SEMA6A: variants seen among roughly 807,000 people sequenced by gnomAD.
The protein encoded by SEMA6A is semaphorin-6A.
SEMA6A carries 25 observed loss-of-function variants against 96.8 expected under a neutral mutation model. The observed-to-expected ratio is 0.26, with a 90% CI of 0.19 to 0.36. The LOEUF (loss-of-function observed/expected upper bound fraction) is 0.36, where lower values mean the gene tolerates loss of function less well. Among genes scored for constraint, SEMA6A ranks in the 10% least tolerant of loss-of-function variants. The pLI is 1.00. For synonymous variants in SEMA6A, 612 were observed against 518.0 expected (o/e 1.18, Z -2.46); for missense variants, 1,363 against 1,323.1 (o/e 1.03, Z -0.47).
At chr5:116,555,352 G>T (rs1009773706) in intron 1 of SEMA6A, among the ~76,000 whole-genome samples, 1 of 152,114 alleles carries the variant, frequency 6.6e-6, no homozygotes, top group Admixed American at 6.5e-5. Context: ...CAGAATAGGG[G>T]TTTACTTTCC....
chr5:116,526,064 C>T (rs1019158434), intron 1 of SEMA6A, among the ~76,000 whole-genome samples: 2 of 150,710 alleles, frequency 1.3e-5, no homozygotes, highest in Non-Finnish European at 3.0e-5. Context: ...TTTCACTCTT[C>T]GATTGACTTG....
chr5:116,498,409 A>G (rs1442684762), intron 3 of SEMA6A: 1 of 152,120 alleles, frequency 6.6e-6, no homozygotes, highest in Admixed American at 6.5e-5. Flanking sequence ...TCACATATAC[A>G]TATATATAAT....
At chr5:116,475,394 T>G in intron 16 of SEMA6A, 151 bp downstream of exon 16, 4 of 517,316 alleles carry the variant, frequency 7.7e-6, no homozygotes, top group Non-Finnish European at 1.4e-5. Flanking sequence ...ACGCACTGCT[T>G]TCTTTGTTTG....
Position 116,446,982 on chromosome 5 carries a change from G to A in SEMA6A, c.2724C>T (p.His908=). 6.2e-7 allele frequency: 1 copy of A among 1,613,958 alleles called. No homozygotes were observed. The highest frequency in any genetic ancestry group is 2.2e-5 in the East Asian group (1 of 44,840). Residue 908 remains histidine, a synonymous_variant, in exon 19 of 19, where the codon CAC becomes CAT. Coordinates refer to ENST00000343348, the MANE Select transcript of SEMA6A (RefSeq NM_020796.5). ...TGLSKRLEMH[H]SSSYGVDYKR... ...TATAGTCAACCCCGTAGGAAGAGGAGTGGTGCATTTCCAGCCGCTTGCTTA... is the reference window on the plus strand; with the variant it reads ...TATAGTCAACCCCGTAGGAAGAGGAATGGTGCATTTCCAGCCGCTTGCTTA...
chr5:116,499,987 T>G (rs976447317), intron 3 of SEMA6A, among the ~76,000 whole-genome samples: 1 of 152,198 alleles, frequency 6.6e-6, no homozygotes, highest in Non-Finnish European at 1.5e-5. Context: ...TCACAAGAGA[T>G]TCTTAAGTCA....
chr5:116,520,981 C>G (rs772378281), intron 1 of SEMA6A, among the ~76,000 whole-genome samples: 2 of 152,146 alleles, frequency 1.3e-5, no homozygotes, highest in Non-Finnish European at 2.9e-5. Flanking sequence ...TCCCTGGAAT[C>G]AAAAGACCAA....
chr5:116,515,445 CT>C (rs1758625115), intron 1 of SEMA6A, among the ~76,000 whole-genome samples: 1 of 152,106 alleles, frequency 6.6e-6, no homozygotes, highest in South Asian at 2.1e-4. Context: ...CTCTCCCTAA[CT>C]TTTTCTTTGT....
At chr5:116,529,760 T>C (rs766976849) in intron 1 of SEMA6A, among the ~76,000 whole-genome samples, 2 of 152,164 alleles carry the variant, frequency 1.3e-5, no homozygotes, top group East Asian at 3.8e-4. Context: ...AAATACTGCA[T>C]GTTCTCACTT....
intron 16 of SEMA6A, among the ~76,000 whole-genome samples, chr5:116,474,760 G>C (rs568389715): frequency 6.6e-6 from 1 of 152,278 alleles, no homozygotes; most frequent in East Asian, 1.9e-4. Flanking sequence ...GTGCCATTTT[G>C]AATGCAAGCT....
chr5:116,495,632 C>G, intron 5 of SEMA6A, 118 bp from the exon 6 acceptor site: 1 of 669,944 alleles, frequency 1.5e-6, no homozygotes, highest in South Asian at 2.0e-5. Context: ...AGGACTTCTC[C>G]CATTAAAAGT....
At chr5:116,454,203 AAGG>A (rs1273113885) in intron 18 of SEMA6A, among the ~76,000 whole-genome samples, 1 of 152,176 alleles carries the variant, frequency 6.6e-6, no homozygotes, top group East Asian at 1.9e-4. Flanking sequence ...CAAAGGCAAA[AAGG>A]AGGATGGACA....
intron 1 of SEMA6A, chr5:116,562,993 C>T (rs1369147356): frequency 1.6e-5 from 9 of 556,656 alleles, no homozygotes; most frequent in South Asian, 4.4e-5. Flanking sequence ...GAAGGGGGGT[C>T]GCCGTGGTCG....
chr5:116,477,807 G>C (rs967139236), intron 15 of SEMA6A, 39 bp downstream of exon 15: 1 of 1,599,912 alleles, frequency 6.3e-7, no homozygotes, highest in African/African-American at 1.3e-5. Context: ...ACCTTGGCTG[G>C]AAGCCACTTC....
rs998198223 is a variant in SEMA6A at position 116,489,021 on chromosome 5, G to C, written c.536-14C>G. On this transcript the variant is annotated splice_polypyrimidine_tract_variant and intron_variant, in intron 7 of 18. Transcript: ENST00000343348. ...ATAGTTTTCCATCTTAGAAGAAAAAGAAAAGAGGTGAACAGGGTGGGAGCA... is the reference window on the plus strand; with the variant it reads ...ATAGTTTTCCATCTTAGAAGAAAAACAAAAGAGGTGAACAGGGTGGGAGCA... 2 of 1,552,828 alleles carry C rather than the reference G, an allele frequency of 1.3e-6. No individual in the cohort carries two copies. The highest frequency in any genetic ancestry group is 2.7e-5 in the African/African-American group (2 of 73,236).
Position 116,447,022 on chromosome 5 carries a change from AG to A in SEMA6A, c.2683del (p.Leu895CysfsTer6). 1 of 1,613,924 alleles carries A rather than the reference AG, an allele frequency of 6.2e-7. No homozygotes were observed. Among genetic ancestry groups the A allele is most frequent in the Non-Finnish European group, 8.5e-7 (1 of 1,179,870 alleles). On this transcript the variant is annotated frameshift_variant, in exon 19 of 19. Transcript: ENST00000343348. LOFTEE classifies it high-confidence loss of function. ...CCGCTTGCTTAGACCGGTCTGAGAC[AG>A]GGAGGCTCCCGGGGGACCCAGGGAG... The part of the protein sequence containing the change: ...EASLGPPGAS[L>X]SQTGLSKRLE...
At chr5:116,509,969 C>A (rs189016878) in intron 1 of SEMA6A, among the ~76,000 whole-genome samples, 3 of 152,184 alleles carry the variant, frequency 2.0e-5, no homozygotes, top group African/African-American at 7.2e-5. Flanking sequence ...TGCTCCTAAG[C>A]AGCATGTGGT....
chr5:116,534,429 C>T (rs940370161), intron 1 of SEMA6A, among the ~76,000 whole-genome samples: 54 of 152,222 alleles, frequency 3.5e-4, no homozygotes, highest in Non-Finnish European at 7.1e-4. Flanking sequence ...TCCTTCTCCA[C>T]CACATTCCAG....
At chr5:116,475,444 GT>G in intron 16 of SEMA6A, 100 bp downstream of exon 16, 1 of 709,938 alleles carries the variant, frequency 1.4e-6, no homozygotes, top group Non-Finnish European at 2.4e-6. Context: ...GCATGCTTTA[GT>G]GTCAGCTGCA....
intron 1 of SEMA6A, among the ~76,000 whole-genome samples, chr5:116,525,982 G>C (rs1759205284): frequency 6.6e-6 from 1 of 151,932 alleles, no homozygotes. Flanking sequence ...TCACCTAGCA[G>C]CCAGCTGCCC....
Sources: gnomAD v4.1 joint callset for allele counts (sites outside exome capture counted in the v4.1 genomes callset) on GRCh38, gnomAD v4.1.1 for gene constraint, MANE v1.5 for transcripts, NCBI Gene and HGNC (gene_info 2026-07-23, HGNC 2026-07-21) for gene names.